The following LRRC4C variants were observed in gnomAD, a reference collection of about 807,000 sequenced individuals.
The protein encoded by LRRC4C is leucine rich repeat containing 4C, also known as leucine-rich repeat-containing protein 4C.
In LRRC4C, 5 loss-of-function variants were observed where a neutral mutation model predicts 33.6. The ratio of observed to expected loss-of-function variants is 0.15; its 90% confidence interval spans 0.08 to 0.31. LRRC4C has a LOEUF of 0.31. Ranked by LOEUF, LRRC4C falls within the 10% of genes least tolerant of loss-of-function variation. LRRC4C has a pLI of 1.00. For synonymous variants in LRRC4C, 329 were observed against 302.0 expected (o/e 1.09, Z -0.93); for missense variants, 560 against 796.7 (o/e 0.70, Z 3.58).
At chr11:41,153,157 T>C (rs1944072106) in intron 1 of LRRC4C, among the ~76,000 whole-genome samples, 1 of 152,258 alleles carries the variant, frequency 6.6e-6, no homozygotes, top group Non-Finnish European at 1.5e-5. Flanking sequence ...AGCTGCCTTA[T>C]GAAGTCTCTA....
At chr11:40,823,782 T>C (rs956924736) in intron 2 of LRRC4C, among the ~76,000 whole-genome samples, 11 of 151,832 alleles carry the variant, frequency 7.2e-5, no homozygotes, top group African/African-American at 2.4e-4. Flanking sequence ...TTGGCAGTTA[T>C]AGTGTTAAAC....
At chr11:40,125,714 C>T (rs1023400743) in intron 6 of LRRC4C, among the ~76,000 whole-genome samples, 3 of 152,054 alleles carry the variant, frequency 2.0e-5, no homozygotes, top group African/African-American at 7.2e-5. Flanking sequence ...AAGCTCATCC[C>T]ACATCATGCT....
chr11:40,319,329 A>T (rs1945728601), intron 4 of LRRC4C, among the ~76,000 whole-genome samples: 1 of 152,064 alleles, frequency 6.6e-6, no homozygotes, highest in Non-Finnish European at 1.5e-5. Context: ...CAGGTCTGCT[A>T]CTCCACACTA....
At chr11:40,125,784 A>G (rs1429186855) in intron 6 of LRRC4C, among the ~76,000 whole-genome samples, 2 of 152,326 alleles carry the variant, frequency 1.3e-5, no homozygotes, top group African/African-American at 4.8e-5. Context: ...AAAGAATGCT[A>G]GAATACACAG....
chr11:40,946,257 G>A (rs979263897), intron 1 of LRRC4C, among the ~76,000 whole-genome samples: 5 of 152,086 alleles, frequency 3.3e-5, no homozygotes, highest in African/African-American at 1.2e-4. Flanking sequence ...TGGCTGCAAA[G>A]GACATAATTT....
chr11:40,431,032 G>A (rs556359073), intron 3 of LRRC4C, among the ~76,000 whole-genome samples: 1 of 145,096 alleles, frequency 6.9e-6, no homozygotes, highest in Non-Finnish European at 1.5e-5. Flanking sequence ...CACCAGCATG[G>A]CACATGTATA....
chr11:40,520,826 C>T (rs1486973055), intron 3 of LRRC4C, among the ~76,000 whole-genome samples: 1 of 152,002 alleles, frequency 6.6e-6, no homozygotes, highest in East Asian at 1.9e-4. Context: ...TGAGGTATGC[C>T]TGTATTTTAT....
chr11:41,450,202 G>A (rs565375503), intron 1 of LRRC4C, among the ~76,000 whole-genome samples: 9 of 152,058 alleles, frequency 5.9e-5, no homozygotes, highest in Admixed American at 2.6e-4. Flanking sequence ...CTGTCTGTCC[G>A]ACAGACCATC....
intron 2 of LRRC4C, among the ~76,000 whole-genome samples, chr11:40,863,863 T>C (rs1418557720): frequency 6.6e-6 from 1 of 152,158 alleles, no homozygotes; most frequent in Non-Finnish European, 1.5e-5. Context: ...CTTATTTAAG[T>C]TGTGTTCATG....
intron 4 of LRRC4C, among the ~76,000 whole-genome samples, chr11:40,275,160 T>C (rs7926245): frequency 0.14 from 20,571 of 152,150 alleles, 2,471 homozygotes; most frequent in African/African-American, 0.32. Context: ...GTCTTTTAAA[T>C]GTATAAATTT....
At chr11:40,993,233 T>C (rs1342633381) in intron 1 of LRRC4C, among the ~76,000 whole-genome samples, 1 of 152,208 alleles carries the variant, frequency 6.6e-6, no homozygotes, top group East Asian at 1.9e-4. Flanking sequence ...AGATATCTTT[T>C]GTTCTACTTT....
intron 3 of LRRC4C, among the ~76,000 whole-genome samples, chr11:40,580,655 C>T (rs1485862132): frequency 2.0e-5 from 3 of 152,048 alleles, no homozygotes; most frequent in Non-Finnish European, 2.9e-5. Context: ...CAGTGAAATG[C>T]AGATGTAGAT....
intron 1 of LRRC4C, among the ~76,000 whole-genome samples, chr11:41,191,574 G>T (rs888312968): frequency 6.6e-6 from 1 of 152,112 alleles, no homozygotes; most frequent in African/African-American, 2.4e-5. Flanking sequence ...TCATTGCAAA[G>T]ATATTAGGTC....
At position 40,131,449 on chromosome 11, in the gene LRRC4C, C is replaced by G. The variant is rs1239198182; in HGVS notation, c.-43+9352G>C. ...ATCCTTAGCAGCAGTAACCTGTATCCTAAATATTACATCCAGAGTATCTTG... is the reference window on the plus strand; with the variant it reads ...ATCCTTAGCAGCAGTAACCTGTATCGTAAATATTACATCCAGAGTATCTTG... On this transcript the variant is annotated intron_variant, in intron 6 of 6. Transcript: ENST00000528697. 2.0e-5 allele frequency among the ~76,000 whole-genome samples: 3 copies of G among 152,184 alleles called. No homozygotes were observed. The East Asian group carries it at 5.8e-4, about 29-fold the overall frequency.
intron 1 of LRRC4C, among the ~76,000 whole-genome samples, chr11:41,200,908 G>A (rs757209165): frequency 1.3e-5 from 2 of 152,160 alleles, no homozygotes; most frequent in Non-Finnish European, 2.9e-5. Flanking sequence ...ACTGAAGTGG[G>A]GGTGAATAGA....
At chr11:40,960,120 AAAGGAAGGAAGGAGGG>A (rs973146811) in intron 1 of LRRC4C, among the ~76,000 whole-genome samples, 2 of 151,216 alleles carry the variant, frequency 1.3e-5, no homozygotes, top group Non-Finnish European at 3.0e-5. Flanking sequence ...AAGAAAGAAA[AAAGGAAGGAAGGAGGG>A]AAGGAAGGAA....
intron 1 of LRRC4C, among the ~76,000 whole-genome samples, chr11:41,189,090 A>G (rs1945832169): frequency 6.6e-6 from 1 of 152,110 alleles, no homozygotes; most frequent in African/African-American, 2.4e-5. Context: ...TTATTCAACA[A>G]AGATTTATAG....
At chr11:41,068,013 C>T (rs1206176369) in intron 1 of LRRC4C, among the ~76,000 whole-genome samples, 1 of 151,992 alleles carries the variant, frequency 6.6e-6, no homozygotes, top group Non-Finnish European at 1.5e-5. Context: ...GAAGCAAGAG[C>T]AAACAAATCC....
chr11:40,552,433 C>T (rs777767990), intron 3 of LRRC4C, among the ~76,000 whole-genome samples: 24 of 152,138 alleles, frequency 1.6e-4, no homozygotes, highest in Non-Finnish European at 3.2e-4. Context: ...AGCAGAGCCT[C>T]TAATAAATAA....
Sources: gnomAD v4.1 joint callset for allele counts (sites outside exome capture counted in the v4.1 genomes callset) on GRCh38, gnomAD v4.1.1 for gene constraint, MANE v1.5 for transcripts, NCBI Gene and HGNC (gene_info 2026-07-23, HGNC 2026-07-21) for gene names.